Variants in MYMK observed in about 807,000 individuals in gnomAD.
The protein encoded by MYMK is myomaker, myoblast fusion factor.
Under a neutral mutation model 22.4 loss-of-function variants are expected in MYMK, and 16 were observed. That is an observed-to-expected ratio of 0.72 (90% CI 0.48 to 1.09). MYMK has a LOEUF of 1.09. MYMK is among the 50% of genes least tolerant of loss of function. The pLI is 0.00. For synonymous variants in MYMK, 125 were observed against 127.0 expected, an observed-to-expected ratio of 0.98 and a Z score of 0.11; for missense variants, 250 against 295.6, an observed-to-expected ratio of 0.85 and a Z score of 1.13.
intron 1 of MYMK, among the ~76,000 whole-genome samples, chr9:133,520,743 C>A (rs1186524487): frequency 1.3e-5 from 2 of 152,050 alleles, no homozygotes; most frequent in Non-Finnish European, 2.9e-5. Flanking sequence ...GTCAGAGCCT[C>A]TCTGGGGGCT....
At chr9:133,521,321 T>C (rs1844700529) in intron 1 of MYMK, among the ~76,000 whole-genome samples, 1 of 152,204 alleles carries the variant, frequency 6.6e-6, no homozygotes, top group Admixed American at 6.5e-5. Flanking sequence ...AACAGCACGG[T>C]GGACTCTTGG....
In MYMK at chr9:133,515,129, C is replaced by T. The variant is rs1212008142; in HGVS notation, c.517-344G>A. ...CTTCCCCTGTTCCTCCCTCCCTCCT[C>T]CACTTTCTCCCTCCTTCCTTCCCTG... On this transcript the variant is annotated intron_variant, in intron 4 of 4. Transcript: ENST00000339996. This position sits in a 1 kb window ranked among gnomAD's most constrained non-coding sequence, Gnocchi z 5.8. 4.6e-5 allele frequency among the ~76,000 whole-genome samples: 7 copies of T among 151,330 alleles called. No homozygotes were observed. Among genetic ancestry groups the T allele is most frequent in the Admixed American group, 3.3e-4 (5 of 15,220 alleles).
At chr9:133,520,361 G>A in intron 1 of MYMK, 73 bp from the exon 2 acceptor site, 1 of 1,205,192 alleles carries the variant, frequency 8.3e-7, no homozygotes, top group African/African-American at 1.5e-5. Flanking sequence ...CCCCCAGAGT[G>A]CCAGGTCACT....
chr9:133,515,626 A>G lies in MYMK; in HGVS notation c.400-19T>C, dbSNP rs777009715. 24 of 1,557,640 alleles carry G rather than the reference A, an allele frequency of 1.5e-5. No individual in the cohort carries two copies. Among genetic ancestry groups the G allele is most frequent in the Non-Finnish European group, 1.8e-5 (20 of 1,128,954 alleles). ...TCTGTAGCTGTGAGGACAGGAGGCCACAGCAAAGCTTTTAGGTCACAGCAC... is the reference window on the plus strand; with the variant it reads ...TCTGTAGCTGTGAGGACAGGAGGCCGCAGCAAAGCTTTTAGGTCACAGCAC... On this transcript the variant is annotated intron_variant, in intron 3 of 4. Coordinates refer to ENST00000339996, the MANE Select transcript of MYMK (RefSeq NM_001080483.3). The surrounding 1 kb of genome is among the most constrained non-coding windows in gnomAD (Gnocchi z 5.8).
At chr9:133,522,802 C>A (rs796237816) in intron 1 of MYMK, among the ~76,000 whole-genome samples, 27 of 152,228 alleles carry the variant, frequency 1.8e-4, no homozygotes, top group African/African-American at 6.3e-4. Flanking sequence ...TAGCCCTAGC[C>A]CAGGCTGGAG....
At chr9:133,518,205 G>A (rs572470162) in intron 3 of MYMK, among the ~76,000 whole-genome samples, 122 of 152,290 alleles carry the variant, frequency 8.0e-4, no homozygotes, top group South Asian at 3.7e-3. Flanking sequence ...GGGCGAGTTT[G>A]AGTGGGGTTT....
In MYMK at chr9:133,519,038, A is replaced by G; in HGVS notation, c.251-16T>C. The stretch of plus-strand genomic sequence containing the variant: ...TCGGCCAGTGCTGGAGGGGCCAGGG[A>G]GACACAGGGGGAGGTGAGTGGTCTC... On this transcript the variant is annotated splice_polypyrimidine_tract_variant and intron_variant, in intron 2 of 4. Coordinates refer to ENST00000339996, the MANE Select transcript of MYMK (RefSeq NM_001080483.3). The G allele has an allele frequency of 6.2e-7, 1 of 1,613,254 alleles. No homozygotes were observed. Among genetic ancestry groups the G allele is most frequent in the Non-Finnish European group, 8.5e-7 (1 of 1,179,924 alleles).
chr9:133,518,504 G>A (rs182877400), intron 3 of MYMK, among the ~76,000 whole-genome samples: 4 of 152,342 alleles, frequency 2.6e-5, no homozygotes, highest in Non-Finnish European at 4.4e-5. Context: ...TCTTATGTGC[G>A]GAGCACATTG....
Position 133,518,881 on chromosome 9 carries a change from G to T in MYMK, c.392C>A (p.Ala131Glu). 6.2e-7 allele frequency: 1 copy of T among 1,612,512 alleles called. No individual in the cohort carries two copies. Among genetic ancestry groups the T allele is most frequent in the Non-Finnish European group, 8.5e-7 (1 of 1,179,712 alleles). The change falls in exon 3 of 5, where the codon GCA (alanine) becomes GAA (glutamate). Residue 131 changes from alanine to glutamate, a missense_variant. Transcript: ENST00000339996. ...PIGTAILIIA[A>E]KWLQKMKEKK... The stretch of plus-strand genomic sequence containing the variant: ...GGCTCGCGCAGTACGCACCCACTTT[G>T]CCGCGATGATGAGGATGGCTGTGCC...
intron 2 of MYMK, 62 bp from the exon 3 acceptor site, chr9:133,519,084 C>A: frequency 6.3e-7 from 1 of 1,596,230 alleles, no homozygotes; most frequent in Non-Finnish European, 8.5e-7. Context: ...CCTGGCTACC[C>A]CCCCACCCCC....
At chr9:133,517,666 CAA>C (rs140245731) in intron 3 of MYMK, among the ~76,000 whole-genome samples, 72,190 of 120,140 alleles carry the variant, frequency 0.6, 20,411 homozygotes, top group Admixed American at 0.73. Context: ...AACTCCGTCT[CAA>C]AAAAAAAAAA....
intron 1 of MYMK, 53 bp from the exon 2 acceptor site, chr9:133,520,341 C>A: frequency 1.4e-6 from 2 of 1,444,288 alleles, no homozygotes; most frequent in South Asian, 1.2e-5. Context: ...AGCTGGTCCC[C>A]GAGCCACGGC....
Position 133,520,196 on chromosome 9 carries a change from C to G in MYMK, c.228G>C (p.Leu76=). The G allele has an allele frequency of 6.2e-7, 1 of 1,614,094 alleles. No individual in the cohort carries two copies. The highest frequency in any genetic ancestry group is 8.5e-7 in the Non-Finnish European group (1 of 1,179,996). ...CACCCATCAGCGAGACCCACATGCTCAGGGCTGTCCCGTAGACACTGAAAT... is the reference window on the plus strand; with the variant it reads ...CACCCATCAGCGAGACCCACATGCTGAGGGCTGTCCCGTAGACACTGAAAT... ...LEYFSVYGTA[L]SMWVSLMALA... Residue 76 remains leucine (L), a synonymous_variant, in exon 2 of 5, where the codon CTG becomes CTC. Transcript: ENST00000339996.
chr9:133,523,133 G>A (rs1052903898), intron 1 of MYMK, among the ~76,000 whole-genome samples: 2 of 152,188 alleles, frequency 1.3e-5, no homozygotes, highest in African/African-American at 4.8e-5. Context: ...GGAATGCCTC[G>A]CTCCCAGCCC....
Position 133,515,343 on chromosome 9 carries a change from A to T in MYMK, c.516+148T>A, listed in dbSNP as rs991533992. ...GCATTGCCCCCGACATAGCCCTGGG[A>T]GGGGCTAGTGAGCAGGGACTAATAC... On this transcript the variant is annotated intron_variant, in intron 4 of 4. Transcript: ENST00000339996. This position sits in a 1 kb window ranked among gnomAD's most constrained non-coding sequence, Gnocchi z 5.8. 183 of 650,808 alleles carry T rather than the reference A, an allele frequency of 2.8e-4. 1 individual carries two copies. Among genetic ancestry groups the T allele is most frequent in the Non-Finnish European group, 4.8e-4 (172 of 360,282 alleles). 40.3% of individuals were successfully genotyped at this position (650,808 alleles called of 1,614,324 possible). A position where few individuals can be genotyped will look rare whatever the true frequency, so the allele number is the denominator to read the frequency against.
At chr9:133,516,932 G>C (rs566129298) in intron 3 of MYMK, among the ~76,000 whole-genome samples, 16 of 152,296 alleles carry the variant, frequency 1.1e-4, no homozygotes, top group Middle Eastern at 3.4e-3. Context: ...GGAAACAATT[G>C]CCCTTGAAAA....
intron 3 of MYMK, among the ~76,000 whole-genome samples, chr9:133,518,040 G>A (rs191317636): frequency 2.9e-3 from 443 of 152,360 alleles, no homozygotes; most frequent in Non-Finnish European, 5.0e-3. Flanking sequence ...ATGTTCAGGC[G>A]GTGCCTGGGC....
rs140449074 is a variant in MYMK, at chr9:133,519,006, G to A, written c.267C>T (p.Asp89=). Residue 89 remains aspartate (D), a synonymous_variant, in exon 3 of 5, where the codon GAC becomes GAT. Transcript: ENST00000339996. ...WVSLMALADF[D]EPKRSTFVMF... The stretch of plus-strand genomic sequence containing the variant: ...TCACAAATGTTGACCTCTTGGGTTC[G>A]TCGAAGTCGGCCAGTGCTGGAGGGG... The A allele has an allele frequency of 1.4e-4, 223 of 1,613,882 alleles. No individual in the cohort carries two copies. In the African/African-American group the frequency reaches 2.2e-3, roughly 16 times the overall value.
At position 133,520,232 on chromosome 9, in the gene MYMK, G is replaced by A. The variant is rs777029769; in HGVS notation, c.192C>T (p.Asp64=). The A allele has an allele frequency of 2.2e-5, 36 of 1,614,180 alleles. No homozygotes were observed. The highest frequency in any genetic ancestry group is 3.0e-5 in the Non-Finnish European group (35 of 1,180,042). ...GLSVLCFMRH[D]ILEYFSVYGT... ...CGTAGACACTGAAATACTCCAGGAT[G>A]TCGTGACGCATGAAGCACAGCACAG... The change falls in exon 2 of 5, where the codon GAC becomes GAT. Residue 64 remains aspartate, a synonymous_variant. Coordinates refer to ENST00000339996, the MANE Select transcript of MYMK (RefSeq NM_001080483.3).
Sources: allele counts gnomAD v4.1 joint callset (sites outside exome capture counted in the v4.1 genomes callset), GRCh38; gene constraint gnomAD v4.1.1; non-coding constraint Gnocchi (gnomAD v3.1); transcripts MANE v1.5; gene names NCBI Gene and HGNC (gene_info 2026-07-23, HGNC 2026-07-21).